SEMA3E: variants seen among roughly 807,000 people sequenced by gnomAD.
SEMA3E encodes the protein semaphorin-3E.
A neutral mutation model predicts 93.6 loss-of-function variants in SEMA3E; 49 were observed. That is an observed-to-expected ratio of 0.52 (90% CI 0.42 to 0.66). The LOEUF is 0.66. SEMA3E is among the 30% of genes least tolerant of loss of function. The pLI is 0.00. For missense variants in SEMA3E, 906 were observed against 964.8 expected (o/e 0.94, Z 0.81); for synonymous variants, 363 against 330.7 (o/e 1.10, Z -1.06).
chr7:83,520,033 A>C (rs192699444), intron 1 of SEMA3E, among the ~76,000 whole-genome samples: 1 of 152,312 alleles, frequency 6.6e-6, no homozygotes, highest in East Asian at 1.9e-4. Flanking sequence ...TAATGTGTAC[A>C]TTACAAATAA....
chr7:83,608,407 A>G (rs1793172592), intron 1 of SEMA3E, among the ~76,000 whole-genome samples: 1 of 152,072 alleles, frequency 6.6e-6, no homozygotes, highest in Admixed American at 6.6e-5. Context: ...TAAAGGAAAA[A>G]TTTATTCATA....
chr7:83,600,486 A>ATTTTTTTTTTT lies in SEMA3E; in HGVS notation c.115+47931_115+47941dup, dbSNP rs71522671. ...AGGCGCCCGCCACCACGCCCAGCTA[A>ATTTTTTTTTTT]TTTTTTTTTTTTTTTTTTTTTTTTT... On this transcript the variant is annotated intron_variant, in intron 1 of 16. Coordinates refer to ENST00000643230, the MANE Select transcript of SEMA3E (RefSeq NM_012431.3). 2.4e-3 allele frequency among the ~76,000 whole-genome samples: 151 copies of ATTTTTTTTTTT among 63,090 alleles called. 3 individuals are homozygous for ATTTTTTTTTTT. Among genetic ancestry groups the ATTTTTTTTTTT allele is most frequent in the Non-Finnish European group, 3.0e-3 (101 of 33,848 alleles). 41.4% of individuals were successfully genotyped at this position (63,090 alleles called of 152,430 possible).
Position 83,570,518 on chromosome 7 carries a change from A to ACT in SEMA3E, c.115+77908_115+77909dup, listed in dbSNP as rs1303297144. ...CAGTGAGCCGAGATCCCGCCACTGC[A>ACT]CTCCAGCCTGGGCGACAGAGCGAGA... On this transcript the variant is annotated intron_variant, in intron 1 of 16. Coordinates refer to ENST00000643230, the MANE Select transcript of SEMA3E (RefSeq NM_012431.3). Among the ~76,000 whole-genome samples the ACT allele has an allele frequency of 8.7e-5, 10 of 114,798 alleles. No individual in the cohort carries two copies. The East Asian group carries it at 1.1e-3, about 12-fold the overall frequency. 75.3% of individuals were successfully genotyped at this position (114,798 alleles called of 152,430 possible). A position where few individuals can be genotyped will look rare whatever the true frequency, so the allele number is the denominator to read the frequency against.
At chr7:83,616,043 G>A (rs953303569) in intron 1 of SEMA3E, among the ~76,000 whole-genome samples, 2 of 151,832 alleles carry the variant, frequency 1.3e-5, no homozygotes, top group Non-Finnish European at 2.9e-5. Context: ...GTATGCCCTT[G>A]AAGAGATTAG....
chr7:83,396,973 T>C (rs1788135473), intron 11 of SEMA3E, among the ~76,000 whole-genome samples: 1 of 151,670 alleles, frequency 6.6e-6, no homozygotes. Context: ...TCCCAGCTAC[T>C]TGGGAGGCTG....
At chr7:83,497,497 C>T (rs1462562645) in intron 1 of SEMA3E, among the ~76,000 whole-genome samples, 1 of 152,016 alleles carries the variant, frequency 6.6e-6, no homozygotes, top group Non-Finnish European at 1.5e-5. Context: ...AGTCAGTAAG[C>T]ATTGTTAATG....
rs142690386 is a variant in SEMA3E at position 83,486,680 on chromosome 7, T to C, written c.276+3434A>G. 2.7e-3 allele frequency among the ~76,000 whole-genome samples: 410 copies of C among 152,204 alleles called. 2 individuals are homozygous for C. Among genetic ancestry groups the C allele is most frequent in the African/African-American group, 8.3e-3 (344 of 41,534 alleles). ...ATTCTGAAGAAACGGGAAGAACAAG[T>C]ACAAAATAAGAAATGCAGGTGGGGC... On this transcript the variant is annotated intron_variant, in intron 2 of 16. Transcript: ENST00000643230.
At chr7:83,580,026 GCAAT>G (rs1792487244) in intron 1 of SEMA3E, among the ~76,000 whole-genome samples, 1 of 151,980 alleles carries the variant, frequency 6.6e-6, no homozygotes, top group Admixed American at 6.6e-5. Flanking sequence ...GCCTAAAGCA[GCAAT>G]CAATTTAATT....
At chr7:83,626,325 C>T (rs532601011) in intron 1 of SEMA3E, among the ~76,000 whole-genome samples, 1 of 152,166 alleles carries the variant, frequency 6.6e-6, no homozygotes, top group South Asian at 2.1e-4. Context: ...ACTGTGAATC[C>T]ATCTGGTCCT....
intron 2 of SEMA3E, among the ~76,000 whole-genome samples, chr7:83,474,645 A>G (rs927836378): frequency 6.6e-6 from 1 of 152,214 alleles, no homozygotes; most frequent in Admixed American, 6.5e-5. Context: ...AAAGATGTTG[A>G]TGTTAGCAAT....
chr7:83,603,736 C>T (rs1485048851), intron 1 of SEMA3E, among the ~76,000 whole-genome samples: 1 of 152,090 alleles, frequency 6.6e-6, no homozygotes, highest in Non-Finnish European at 1.5e-5. Context: ...ACATTCTAAC[C>T]TTTAAGCCAT....
At chr7:83,610,603 G>A (rs1410747790) in intron 1 of SEMA3E, among the ~76,000 whole-genome samples, 1 of 151,974 alleles carries the variant, frequency 6.6e-6, no homozygotes, top group Admixed American at 6.6e-5. Context: ...GCTAATGTAT[G>A]TCCCTCTTAA....
At chr7:83,524,013 CTCAA>C (rs1447141874) in intron 1 of SEMA3E, among the ~76,000 whole-genome samples, 1 of 152,068 alleles carries the variant, frequency 6.6e-6, no homozygotes, top group African/African-American at 2.4e-5. Flanking sequence ...ATTATATTTG[CTCAA>C]TCAAATGCTT....
At chr7:83,380,620 G>T (rs1221516981) in intron 16 of SEMA3E, among the ~76,000 whole-genome samples, 1 of 151,834 alleles carries the variant, frequency 6.6e-6, no homozygotes, top group African/African-American at 2.4e-5. Context: ...TGGTTATTAT[G>T]CCACCACCCT....
intron 1 of SEMA3E, among the ~76,000 whole-genome samples, chr7:83,588,324 T>C (rs1186891662): frequency 6.6e-6 from 1 of 151,774 alleles, no homozygotes; most frequent in Non-Finnish European, 1.5e-5. Context: ...GAGTTTGCAA[T>C]GAGCTGAGAC....
chr7:83,550,079 C>CA (rs34903192), intron 1 of SEMA3E, among the ~76,000 whole-genome samples: 1 of 151,744 alleles, frequency 6.6e-6, no homozygotes, highest in Non-Finnish European at 1.5e-5. Context: ...AATCAATCCA[C>CA]AAAAAAATAT....
intron 4 of SEMA3E, among the ~76,000 whole-genome samples, chr7:83,454,272 A>AAAAAAAAAAT (rs1257792756): frequency 9.1e-6 from 1 of 110,132 alleles, no homozygotes; most frequent in African/African-American, 4.3e-5. Flanking sequence ...AAAAAAAAAA[A>AAAAAAAAAAT]ATATATATAT....
At chr7:83,372,278 T>C (rs1477515884) in intron 16 of SEMA3E, 2 of 398,012 alleles carry the variant, frequency 5.0e-6, no homozygotes, top group African/African-American at 4.1e-5. Context: ...TCTTAGGACA[T>C]TGCCTTTACC....
chr7:83,613,563 G>T (rs1283615537), intron 1 of SEMA3E, among the ~76,000 whole-genome samples: 1 of 151,856 alleles, frequency 6.6e-6, no homozygotes, highest in Non-Finnish European at 1.5e-5. Context: ...CCAGATTTCA[G>T]GCCTAAAAAT....
Sources: gnomAD v4.1 joint callset for allele counts (sites outside exome capture counted in the v4.1 genomes callset) on GRCh38, gnomAD v4.1.1 for gene constraint, MANE v1.5 for transcripts, NCBI Gene and HGNC (gene_info 2026-07-23, HGNC 2026-07-21) for gene names.